OSBP2: variants seen among roughly 807,000 people sequenced by gnomAD.
The protein encoded by OSBP2 is oxysterol-binding protein 2.
A neutral mutation model predicts 96.0 loss-of-function variants in OSBP2; 66 were observed. That is an observed-to-expected ratio of 0.69 (90% confidence interval 0.56 to 0.84). OSBP2 has a LOEUF of 0.84. Ranked by LOEUF, OSBP2 falls within the 40% of genes least tolerant of loss-of-function variation. The pLI, the probability that OSBP2 is intolerant of heterozygous loss-of-function variation, is 0.00. For missense variants in OSBP2, 1,038 were observed against 1,222.7 expected (o/e 0.85, Z 2.25); for synonymous variants, 525 against 520.9 (o/e 1.01, Z -0.11).
intron 2 of OSBP2, among the ~76,000 whole-genome samples, chr22:30,812,055 A>G (rs948246927): frequency 6.8e-6 from 1 of 148,084 alleles, no homozygotes; most frequent in African/African-American, 2.5e-5. Flanking sequence ...GGGTCTTGCT[A>G]TGTTGCCCAG....
At chr22:30,809,708 T>C (rs936218286) in intron 2 of OSBP2, among the ~76,000 whole-genome samples, 2 of 152,206 alleles carry the variant, frequency 1.3e-5, no homozygotes, top group South Asian at 4.1e-4. Context: ...GAGCAGATGG[T>C]AATTTCAGTA....
intron 1 of OSBP2, among the ~76,000 whole-genome samples, chr22:30,723,604 G>T (rs908503241): frequency 4.0e-5 from 6 of 151,732 alleles, no homozygotes; most frequent in Non-Finnish European, 8.8e-5. Flanking sequence ...AGTAGAGACG[G>T]GGTTTCACCA....
chr22:30,778,672 G>C (rs1266899442), intron 2 of OSBP2, among the ~76,000 whole-genome samples: 1 of 152,016 alleles, frequency 6.6e-6, no homozygotes, highest in African/African-American at 2.4e-5. Flanking sequence ...AAAAATAGAA[G>C]TGAGTGCCTC....
intron 2 of OSBP2, among the ~76,000 whole-genome samples, chr22:30,829,322 C>T (rs1281433706): frequency 3.9e-5 from 6 of 152,204 alleles, no homozygotes; most frequent in Non-Finnish European, 7.3e-5. Flanking sequence ...CGGAGTCTTG[C>T]TCTGGAGTCT....
At chr22:30,778,576 C>A (rs562777988) in intron 2 of OSBP2, among the ~76,000 whole-genome samples, 44 of 152,110 alleles carry the variant, frequency 2.9e-4, no homozygotes, top group Non-Finnish European at 5.4e-4. Flanking sequence ...GTTGGTAACA[C>A]TTTCCTAGGG....
chr22:30,872,435 C>T (rs1375060483), intron 3 of OSBP2: 1 of 452,968 alleles, frequency 2.2e-6, no homozygotes, highest in Admixed American at 2.4e-5. Context: ...CTTGCACAGT[C>T]TTTTATCAGA....
chr22:30,906,471 T>C lies in OSBP2; in HGVS notation c.*132T>C. The C allele has an allele frequency of 8.6e-7, 1 of 1,163,092 alleles. No homozygotes were observed. Among genetic ancestry groups the C allele is most frequent in the Non-Finnish European group, 1.1e-6 (1 of 871,784 alleles). The allele number at this position is 1,163,092 out of a possible 1,614,324, so 72.0% of individuals were successfully genotyped here. On this transcript the variant is annotated 3_prime_UTR_variant, in exon 14 of 14. Coordinates refer to ENST00000332585, the MANE Select transcript of OSBP2 (RefSeq NM_030758.4). Reference sequence around the variant, plus strand: ...CTTCCTATTTCCTTTCCTATTTTTTTTTTCTCCCCACACTTTCTTGGGACT... The same window carrying C: ...CTTCCTATTTCCTTTCCTATTTTTTCTTTCTCCCCACACTTTCTTGGGACT...
In OSBP2 at chr22:30,837,172, G is replaced by C. The variant is rs1287684224; in HGVS notation, c.854-33257G>C. ...AGCTACTAGGGAGGCTGAGGCAGGA[G>C]AATCACTTGAAACTGAGAGGCAGAG... On this transcript the variant is annotated intron_variant, in intron 2 of 13. Transcript: ENST00000332585. Among the ~76,000 whole-genome samples, 5 of 150,444 alleles carry C rather than the reference G, an allele frequency of 3.3e-5. No individual in the cohort carries two copies. In the Admixed American group the frequency reaches 3.3e-4, roughly 10 times the overall value.
chr22:30,704,547 T>C (rs1027378043), intron 1 of OSBP2, among the ~76,000 whole-genome samples: 8 of 151,260 alleles, frequency 5.3e-5, no homozygotes, highest in Admixed American at 5.3e-4. Context: ...GACAGAGTCT[T>C]GCTGTGTCGC....
rs1421488568 is a variant in OSBP2, at chr22:30,848,433, TCAAC to T, written c.854-21994_854-21991del. Among the ~76,000 whole-genome samples the T allele has an allele frequency of 2.6e-5, 4 of 152,338 alleles. No individual in the cohort carries two copies. The East Asian group carries it at 5.8e-4, about 22-fold the overall frequency. ...GGTTGTCCTTTTTTTCCTTTTTAAA[TCAAC>T]CTTATTATTATTGAATTTAAATGCA... On this transcript the variant is annotated intron_variant, in intron 2 of 13. Coordinates refer to ENST00000332585, the MANE Select transcript of OSBP2 (RefSeq NM_030758.4).
chr22:30,758,122 C>G (rs968981249), intron 2 of OSBP2, among the ~76,000 whole-genome samples: 2 of 152,198 alleles, frequency 1.3e-5, no homozygotes, highest in African/African-American at 4.8e-5. Flanking sequence ...ATGGACAGGG[C>G]CAGGCACAGT....
intron 2 of OSBP2, among the ~76,000 whole-genome samples, chr22:30,851,681 G>A (rs1019346896): frequency 3.9e-5 from 6 of 152,120 alleles, no homozygotes; most frequent in African/African-American, 1.4e-4. Flanking sequence ...ATAAGTTTTA[G>A]GAATTTTATT....
intron 2 of OSBP2, among the ~76,000 whole-genome samples, chr22:30,754,636 C>A (rs1175626768): frequency 6.6e-6 from 1 of 152,212 alleles, no homozygotes; most frequent in African/African-American, 2.4e-5. Context: ...TCCCCATGTC[C>A]TTTGTGTCAC....
At chr22:30,858,120 G>GT (rs148749673) in intron 2 of OSBP2, among the ~76,000 whole-genome samples, 137 of 132,778 alleles carry the variant, frequency 1.0e-3, no homozygotes, top group Middle Eastern at 4.1e-3. Flanking sequence ...GATTCACTTT[G>GT]TTTTTTTTTT....
chr22:30,851,425 T>A (rs1212788060), intron 2 of OSBP2, among the ~76,000 whole-genome samples: 2 of 152,196 alleles, frequency 1.3e-5, no homozygotes, highest in Non-Finnish European at 2.9e-5. Flanking sequence ...ATGATTGTTA[T>A]ATATTGACCT....
intron 1 of OSBP2, among the ~76,000 whole-genome samples, chr22:30,725,314 C>T (rs115912351): frequency 0.023 from 3,510 of 152,028 alleles, 138 homozygotes; most frequent in African/African-American, 0.079. Context: ...ACACCAGCAG[C>T]CTAGCCAACA....
At chr22:30,772,773 C>T (rs559205277) in intron 2 of OSBP2, among the ~76,000 whole-genome samples, 175 of 150,364 alleles carry the variant, frequency 1.2e-3, no homozygotes, top group Non-Finnish European at 2.1e-3. Context: ...ACACGGGGAA[C>T]GGCTGCTCTT....
rs2039901604 is a variant in OSBP2, at chr22:30,889,722, TACAC to T, written c.1623+90_1623+93del. 1.9e-5 allele frequency: 24 copies of T among 1,264,618 alleles called. No homozygotes were observed. In the East Asian group the frequency reaches 5.6e-4, roughly 29 times the overall value. 78.3% of individuals were successfully genotyped at this position (1,264,618 alleles called of 1,614,324 possible). A position where few individuals can be genotyped will look rare whatever the true frequency, so the allele number is the denominator to read the frequency against. ...ATGAGCAGTAATGGCCTGTGTGAAGTACACACAGCCTTGGAGTGTCATTTTCTTA... is the reference window on the plus strand; with the variant it reads ...ATGAGCAGTAATGGCCTGTGTGAAGTACAGCCTTGGAGTGTCATTTTCTTA... On this transcript the variant is annotated intron_variant, in intron 7 of 13. Transcript: ENST00000332585.
chr22:30,696,650 G>T (rs1266073093), intron 1 of OSBP2, among the ~76,000 whole-genome samples: 1 of 152,066 alleles, frequency 6.6e-6, no homozygotes, highest in East Asian at 1.9e-4. Context: ...ACAGGGTTTT[G>T]TTTTTTGTTG....
Sources: allele counts gnomAD v4.1 joint callset (sites outside exome capture counted in the v4.1 genomes callset), GRCh38; gene constraint gnomAD v4.1.1; transcripts MANE v1.5; gene names NCBI Gene and HGNC (gene_info 2026-07-23, HGNC 2026-07-21).